GHR: variants seen among roughly 807,000 people sequenced by gnomAD.
GHR encodes GH receptor.
Under a neutral mutation model 67.1 loss-of-function variants are expected in GHR, and 35 were observed. That is an observed-to-expected ratio of 0.52 (90% CI 0.40 to 0.69). The LOEUF (loss-of-function observed/expected upper bound fraction) is 0.69. Ranked by LOEUF, GHR falls within the 30% of genes least tolerant of loss-of-function variation. The pLI, the probability that GHR is intolerant of heterozygous loss-of-function variation, is 0.00. For synonymous variants in GHR, 272 were observed against 269.1 expected (o/e 1.01, Z -0.10); for missense variants, 792 against 764.6 (o/e 1.04, Z -0.42).
chr5:42,573,518 G>A (rs767244178), intron 2 of GHR, among the ~76,000 whole-genome samples: 16 of 151,962 alleles, frequency 1.1e-4, no homozygotes, highest in Non-Finnish European at 1.9e-4. Context: ...AAGTGACCCG[G>A]TCACCCAGCA....
At chr5:42,508,834 A>G (rs752716193) in intron 1 of GHR, among the ~76,000 whole-genome samples, 2 of 152,184 alleles carry the variant, frequency 1.3e-5, no homozygotes, top group Non-Finnish European at 2.9e-5. Context: ...TCGGCCTCCC[A>G]AAGTGCTGGG....
chr5:42,594,704 T>C (rs1380737986), intron 2 of GHR, among the ~76,000 whole-genome samples: 1 of 152,138 alleles, frequency 6.6e-6, no homozygotes, highest in African/African-American at 2.4e-5. Context: ...TTCCCAGACT[T>C]TTTCTTTTTT....
In GHR at chr5:42,719,184, C is replaced by T. The variant is rs370704465; in HGVS notation, c.1677C>T (p.Ser559=). The part of the protein sequence containing the change: ...HIKVESHIQP[S]LNQEDIYITT... ...AGGTTGAATCACACATACAGCCAAG[C>T]TTAAACCAAGAGGACATTTACATCA... Residue 559 remains serine, a synonymous_variant, in exon 10 of 10, where the codon AGC becomes AGT. Coordinates refer to ENST00000230882, the MANE Select transcript of GHR (RefSeq NM_000163.5). 7.4e-6 allele frequency: 12 copies of T among 1,614,030 alleles called. No individual in the cohort carries two copies. The African/African-American group carries it at 1.3e-4, about 18-fold the overall frequency.
intron 1 of GHR, among the ~76,000 whole-genome samples, chr5:42,452,368 TG>T (rs1289379808): frequency 6.6e-6 from 1 of 152,180 alleles, no homozygotes; most frequent in Non-Finnish European, 1.5e-5. Context: ...AACTGATGAC[TG>T]AGTGTCTAGG....
intron 1 of GHR, among the ~76,000 whole-genome samples, chr5:42,470,852 G>T (rs567524689): frequency 6.6e-6 from 1 of 152,254 alleles, no homozygotes; most frequent in African/African-American, 2.4e-5. Context: ...AGCTGCTTCT[G>T]TGACTGCATT....
At chr5:42,579,151 TATA>T (rs1479723469) in intron 2 of GHR, among the ~76,000 whole-genome samples, 14 of 88,284 alleles carry the variant, frequency 1.6e-4, no homozygotes, top group East Asian at 2.7e-4. Context: ...GATAGATAGA[TATA>T]GATAGATAGA....
At position 42,504,246 on chromosome 5, in the gene GHR, A is replaced by G. The variant is rs542774965; in HGVS notation, c.-11-61618A>G. 1.4e-4 allele frequency among the ~76,000 whole-genome samples: 21 copies of G among 152,302 alleles called. No homozygotes were observed. The East Asian group carries it at 2.9e-3, about 21-fold the overall frequency. On this transcript the variant is annotated intron_variant, in intron 1 of 9. Transcript: ENST00000230882. Reference sequence around the variant, plus strand: ...TGATATGACCACATTCTGACTGACTATAGGCCCTAGTTCAGTTTACCTGAT... The same window carrying G: ...TGATATGACCACATTCTGACTGACTGTAGGCCCTAGTTCAGTTTACCTGAT...
intron 2 of GHR, among the ~76,000 whole-genome samples, chr5:42,573,614 C>A (rs952577329): frequency 1.3e-5 from 2 of 152,036 alleles, no homozygotes; most frequent in Non-Finnish European, 2.9e-5. Context: ...CATAATGATA[C>A]CTGAAGATCC....
intron 1 of GHR, among the ~76,000 whole-genome samples, chr5:42,434,539 T>C (rs1743238570): frequency 6.6e-6 from 1 of 152,206 alleles, no homozygotes; most frequent in Non-Finnish European, 1.5e-5. Context: ...AACTTTCTTC[T>C]AGGATTAAAC....
intron 9 of GHR, 127 bp from the exon 10 acceptor site, chr5:42,718,325 GT>G (rs3834253): frequency 1.0e-5 from 8 of 766,422 alleles, no homozygotes; most frequent in East Asian, 5.2e-5. Flanking sequence ...ACTAATTTAT[GT>G]TTTTTTATAT....
At chr5:42,642,768 C>A (rs1754542996) in intron 3 of GHR, among the ~76,000 whole-genome samples, 1 of 152,128 alleles carries the variant, frequency 6.6e-6, no homozygotes, top group Non-Finnish European at 1.5e-5. Flanking sequence ...GGCCAGAAGT[C>A]CAAAGTCAAG....
At chr5:42,575,783 C>T (rs1750628782) in intron 2 of GHR, among the ~76,000 whole-genome samples, 1 of 151,010 alleles carries the variant, frequency 6.6e-6, no homozygotes, top group African/African-American at 2.4e-5. Flanking sequence ...TGCCTGTAAT[C>T]CCAGCACTTT....
Position 42,528,051 on chromosome 5 carries a change from A to G in GHR, c.-11-37813A>G, listed in dbSNP as rs562566400. On this transcript the variant is annotated intron_variant, in intron 1 of 9. Coordinates refer to ENST00000230882, the MANE Select transcript of GHR (RefSeq NM_000163.5). ...GTCCTCATTGAGAAAGCACCCAGTG[A>G]CCAAAGGGCTCTGATGGAGATGTAC... Among the ~76,000 whole-genome samples the G allele has an allele frequency of 3.9e-4, 59 of 152,298 alleles. 1 individual carries two copies. The highest frequency in any genetic ancestry group is 6.8e-3 in the Middle Eastern group (2 of 294).
At chr5:42,711,455 G>A (rs1219614942) in intron 7 of GHR, 83 bp downstream of exon 7, 3 of 942,954 alleles carry the variant, frequency 3.2e-6, no homozygotes, top group South Asian at 2.6e-5. Flanking sequence ...CTGGTAGTGT[G>A]TTGTCCAAAT....
chr5:42,618,328 G>T (rs1480360445), intron 2 of GHR, among the ~76,000 whole-genome samples: 1 of 152,110 alleles, frequency 6.6e-6, no homozygotes, highest in East Asian at 1.9e-4. Context: ...TATGTGAGGG[G>T]AGCTGCATCA....
chr5:42,650,120 GA>G (rs1013982841), intron 3 of GHR, among the ~76,000 whole-genome samples: 1 of 151,840 alleles, frequency 6.6e-6, no homozygotes, highest in Non-Finnish European at 1.5e-5. Context: ...TGTCAAGAAA[GA>G]AAAAAAATAT....
intron 1 of GHR, among the ~76,000 whole-genome samples, chr5:42,531,158 C>G (rs1161790083): frequency 6.6e-6 from 1 of 151,918 alleles, no homozygotes; most frequent in Non-Finnish European, 1.5e-5. Context: ...ATCCCAGCTA[C>G]TCAGAGGATG....
intron 2 of GHR, among the ~76,000 whole-genome samples, chr5:42,582,803 G>A (rs1010249309): frequency 1.3e-5 from 2 of 152,266 alleles, no homozygotes; most frequent in African/African-American, 4.8e-5. Context: ...CACGGTGGAA[G>A]CCATTTGCGT....
At chr5:42,672,829 AC>A in intron 3 of GHR, among the ~76,000 whole-genome samples, 1 of 152,158 alleles carries the variant, frequency 6.6e-6, no homozygotes, top group Non-Finnish European at 1.5e-5. Context: ...CTATAAGAAA[AC>A]CTAGGAAACA....
Sources: gnomAD v4.1 joint callset for allele counts (sites outside exome capture counted in the v4.1 genomes callset) on GRCh38, gnomAD v4.1.1 for gene constraint, MANE v1.5 for transcripts, NCBI Gene and HGNC (gene_info 2026-07-23, HGNC 2026-07-21) for gene names.